Variants in RGL1 observed in about 807,000 individuals in gnomAD.
RGL1 encodes the protein ral guanine nucleotide dissociation stimulator-like 1.
Under a neutral mutation model 95.2 loss-of-function variants are expected in RGL1, and 24 were observed. That is an observed-to-expected ratio of 0.25 (90% CI 0.18 to 0.35). The LOEUF (loss-of-function observed/expected upper bound fraction) is 0.35. Among genes scored for constraint, RGL1 ranks in the 10% least tolerant of loss-of-function variants. The pLI is 1.00. For missense variants in RGL1, 715 were observed against 936.3 expected (o/e 0.76, Z 3.08); for synonymous variants, 329 against 344.9 (o/e 0.95, Z 0.51).
chr1:183,646,899 G>T (rs1234858230), intron 1 of RGL1: 1 of 152,220 alleles, frequency 6.6e-6, no homozygotes, highest in Non-Finnish European at 1.5e-5. Context: ...GAGAGACAGT[G>T]CTTGACCTGT....
chr1:183,866,021 T>G lies in RGL1; in HGVS notation c.373T>G (p.Cys125Gly). The G allele has an allele frequency of 6.2e-7, 1 of 1,614,002 alleles. No individual in the cohort carries two copies. Among genetic ancestry groups the G allele is most frequent in the Non-Finnish European group, 8.5e-7 (1 of 1,179,908 alleles). The change falls in exon 4 of 18, where the codon TGT becomes GGT. Residue 125 changes from cysteine to glycine, a missense_variant. By Grantham distance (159) the Cys-to-Gly change is radical. This residue lies in a region of RGL1 where 381 missense variants were observed against 484.8 expected (regional missense o/e 0.79). Transcript: ENST00000360851. ...DRYGNLTSPN[C>G]EEDGSQSSSE... ...GTATGGAAACCTGACAAGCCCAAAC[T>G]GTGAAGAAGATGGAAGCCAAAGTTC...
At chr1:183,679,201 A>G (rs986951319) in intron 1 of RGL1, among the ~76,000 whole-genome samples, 4 of 152,102 alleles carry the variant, frequency 2.6e-5, no homozygotes, top group Non-Finnish European at 4.4e-5. Flanking sequence ...CCGAAAGCAC[A>G]CCAGTCTTTG....
intron 2 of RGL1, among the ~76,000 whole-genome samples, chr1:183,743,371 C>CAAGAAATTCGA (rs6143516): frequency 6.6e-6 from 1 of 151,486 alleles, no homozygotes; most frequent in African/African-American, 2.4e-5. Flanking sequence ...GGTAGCAAAG[C>CAAGAAATTCGA]AACAACTAAG....
chr1:183,655,938 A>C (rs1651123796), intron 1 of RGL1, among the ~76,000 whole-genome samples: 1 of 152,210 alleles, frequency 6.6e-6, no homozygotes, highest in African/African-American at 2.4e-5. Context: ...TGACATTTCC[A>C]AACCATATGT....
At chr1:183,808,759 C>G (rs1446688889) in intron 2 of RGL1, among the ~76,000 whole-genome samples, 2 of 151,312 alleles carry the variant, frequency 1.3e-5, no homozygotes, top group Non-Finnish European at 2.9e-5. Context: ...CTCTCTCTCT[C>G]TCTTTTTTTT....
intron 2 of RGL1, among the ~76,000 whole-genome samples, chr1:183,794,236 A>G (rs1051397290): frequency 6.6e-6 from 1 of 152,208 alleles, no homozygotes; most frequent in African/African-American, 2.4e-5. Flanking sequence ...GCTAAAAAAA[A>G]GTTAATCTCA....
intron 1 of RGL1, among the ~76,000 whole-genome samples, chr1:183,659,204 G>A (rs1287651423): frequency 2.6e-5 from 4 of 152,310 alleles, no homozygotes; most frequent in East Asian, 1.9e-4. Context: ...AAAGCTGGAC[G>A]GAGAATGACT....
intron 3 of RGL1, among the ~76,000 whole-genome samples, chr1:183,862,992 G>A (rs1665605611): frequency 6.6e-6 from 1 of 152,186 alleles, no homozygotes; most frequent in Non-Finnish European, 1.5e-5. Flanking sequence ...TTTTAAATAG[G>A]GCAGTCTGGG....
chr1:183,697,334 T>C (rs1387113320), intron 1 of RGL1, among the ~76,000 whole-genome samples: 1 of 152,208 alleles, frequency 6.6e-6, no homozygotes, highest in Non-Finnish European at 1.5e-5. Context: ...TTCTCCCTAT[T>C]GTGTTTATTA....
intron 2 of RGL1, among the ~76,000 whole-genome samples, chr1:183,764,339 G>C (rs1658856575): frequency 6.6e-6 from 1 of 152,124 alleles, no homozygotes; most frequent in Admixed American, 6.5e-5. Flanking sequence ...CAGGAATCAG[G>C]GAGGAGTAAG....
At chr1:183,824,323 G>A (rs1558230213) in intron 2 of RGL1, among the ~76,000 whole-genome samples, 1 of 152,034 alleles carries the variant, frequency 6.6e-6, no homozygotes, top group Non-Finnish European at 1.5e-5. Flanking sequence ...TGTCCTTCCA[G>A]GTTATTTATC....
At chr1:183,657,183 C>T (rs1651230538) in intron 1 of RGL1, among the ~76,000 whole-genome samples, 1 of 152,228 alleles carries the variant, frequency 6.6e-6, no homozygotes, top group African/African-American at 2.4e-5. Context: ...ATTAATTCTT[C>T]CAGTCCATGA....
intron 1 of RGL1, among the ~76,000 whole-genome samples, chr1:183,664,478 G>A (rs1333707528): frequency 1.3e-5 from 2 of 151,736 alleles, no homozygotes; most frequent in Non-Finnish European, 2.9e-5. Context: ...AAAGGAACTT[G>A]GGCTCAGAGT....
In RGL1 at chr1:183,740,391, C is replaced by A. The variant is rs116023916; in HGVS notation, c.-32-1735C>A. On this transcript the variant is annotated intron_variant, in intron 1 of 18. Transcript: ENST00000304685. ...TCACTGCTCTCTGCAAGTAGATGGGCTTACTCTCCATGGCTTACAGATGGA... is the reference window on the plus strand; with the variant it reads ...TCACTGCTCTCTGCAAGTAGATGGGATTACTCTCCATGGCTTACAGATGGA... Among the ~76,000 whole-genome samples, 1,239 of 152,308 alleles carry A rather than the reference C, an allele frequency of 8.1e-3. 19 individuals carry two copies. The highest frequency in any genetic ancestry group is 0.028 in the African/African-American group (1,146 of 41,558).
chr1:183,687,230 A>C (rs1431433246), intron 1 of RGL1, among the ~76,000 whole-genome samples: 2 of 152,100 alleles, frequency 1.3e-5, no homozygotes, highest in Non-Finnish European at 2.9e-5. Flanking sequence ...CTTTCCTTCT[A>C]GAATGTAAGC....
chr1:183,892,686 G>C (rs1373830322), intron 9 of RGL1, among the ~76,000 whole-genome samples: 1 of 152,184 alleles, frequency 6.6e-6, no homozygotes, highest in African/African-American at 2.4e-5. Context: ...TTTGTTGAAT[G>C]CCTAATATTT....
chr1:183,922,593 T>A (rs1228588679), intron 17 of RGL1, among the ~76,000 whole-genome samples: 1 of 152,222 alleles, frequency 6.6e-6, no homozygotes, highest in Non-Finnish European at 1.5e-5. Flanking sequence ...CCAGTCTTTC[T>A]GAGCTCTTCA....
At chr1:183,661,319 G>A (rs929684103) in intron 1 of RGL1, among the ~76,000 whole-genome samples, 7 of 151,956 alleles carry the variant, frequency 4.6e-5, no homozygotes, top group African/African-American at 9.7e-5. Flanking sequence ...AGCAAGACTA[G>A]TAAAGAAGAA....
chr1:183,756,637 C>G (rs183955455), intron 2 of RGL1, among the ~76,000 whole-genome samples: 1 of 152,284 alleles, frequency 6.6e-6, no homozygotes, highest in East Asian at 1.9e-4. Context: ...TCTTCTCTGT[C>G]CACACTATGC....
Sources: allele counts gnomAD v4.1 joint callset (sites outside exome capture counted in the v4.1 genomes callset), GRCh38; gene constraint gnomAD v4.1.1; regional missense constraint gnomAD v4.1.1; transcripts MANE v1.5; gene names NCBI Gene and HGNC (gene_info 2026-07-23, HGNC 2026-07-21).